The following DKK3 variants were observed in gnomAD, a reference collection of about 807,000 sequenced individuals.
DKK3 encodes dickkopf-related protein 3.
In DKK3, 22 loss-of-function variants were observed where a neutral mutation model predicts 33.2. The observed-to-expected ratio is 0.66, with a 90% CI of 0.47 to 0.95. The LOEUF (loss-of-function observed/expected upper bound fraction) is 0.95, where lower values mean the gene tolerates loss of function less well. Ranked by LOEUF, DKK3 falls within the 40% of genes least tolerant of loss-of-function variation. DKK3 has a pLI of 0.00. For missense variants in DKK3, 398 were observed against 458.4 expected, an observed-to-expected ratio of 0.87 and a Z score of 1.20; for synonymous variants, 194 against 188.8, an observed-to-expected ratio of 1.03 and a Z score of -0.23.
At chr11:11,972,657 G>A (rs573314567) in intron 3 of DKK3, among the ~76,000 whole-genome samples, 1 of 152,318 alleles carries the variant, frequency 6.6e-6, no homozygotes, top group African/African-American at 2.4e-5. Flanking sequence ...GTGGGTGGGT[G>A]GAGAGGACAT....
Position 12,008,625 on chromosome 11 carries a change from G to C in DKK3, c.-43C>G. ...AGCCGCCGCCTGTGTGTCCCGGAAC[G>C]CGATCAGAGGCGCGCGGACCACCCC... On this transcript the variant is annotated 5_prime_UTR_variant, in exon 1 of 7. Coordinates refer to ENST00000683431, the MANE Select transcript of DKK3 (RefSeq NM_001018057.2). The surrounding 1 kb of genome is among the most constrained non-coding windows in gnomAD (Gnocchi z 4.6). 3 of 1,334,886 alleles carry C rather than the reference G, an allele frequency of 2.2e-6. No individual in the cohort carries two copies. Among genetic ancestry groups the C allele is most frequent in the Non-Finnish European group, 2.9e-6 (3 of 1,051,386 alleles). The allele number at this position is 1,334,886 out of a possible 1,614,324, so 82.7% of individuals were successfully genotyped here.
intron 3 of DKK3, among the ~76,000 whole-genome samples, chr11:11,988,956 A>G (rs543519380): frequency 3.3e-5 from 5 of 152,216 alleles, no homozygotes; most frequent in South Asian, 2.1e-4. Flanking sequence ...GAGTTGGGGA[A>G]CGCACTGCCT....
chr11:11,987,556 T>C (rs1344163237), intron 3 of DKK3, among the ~76,000 whole-genome samples: 3 of 152,206 alleles, frequency 2.0e-5, no homozygotes, highest in East Asian at 1.9e-4. Context: ...GCTGAGGCTA[T>C]CTGGGCTCAT....
intron 3 of DKK3, among the ~76,000 whole-genome samples, chr11:11,993,329 A>G (rs1411906391): frequency 6.6e-6 from 1 of 152,062 alleles, no homozygotes; most frequent in Non-Finnish European, 1.5e-5. Context: ...TTCATATACC[A>G]TATATGTATA....
chr11:11,981,758 C>A (rs1361168812), intron 3 of DKK3, among the ~76,000 whole-genome samples: 1 of 152,204 alleles, frequency 6.6e-6, no homozygotes, highest in East Asian at 1.9e-4. Flanking sequence ...TATGCCTCCA[C>A]TTTATAGCCC....
At chr11:11,974,634 C>G (rs2172466) in intron 3 of DKK3, among the ~76,000 whole-genome samples, 4,247 of 152,286 alleles carry the variant, frequency 0.028, 112 homozygotes, top group East Asian at 0.07. Flanking sequence ...AAGGTCTCAC[C>G]TCTTAATACT....
At chr11:11,968,139 A>G (rs377445207) in intron 4 of DKK3, among the ~76,000 whole-genome samples, 2 of 152,170 alleles carry the variant, frequency 1.3e-5, no homozygotes, top group East Asian at 1.9e-4. Context: ...TCTACCATCA[A>G]TGACACAAAC....
At chr11:11,993,718 G>A (rs1011714286) in intron 3 of DKK3, among the ~76,000 whole-genome samples, 33 of 152,126 alleles carry the variant, frequency 2.2e-4, no homozygotes, top group African/African-American at 7.2e-4. Context: ...CGAAGTCAAC[G>A]CAAAATATAA....
In DKK3 at chr11:12,008,611, G is replaced by GT; in HGVS notation, c.-30dup. The GT allele has an allele frequency of 7.3e-7, 1 of 1,371,248 alleles. No individual in the cohort carries two copies. Among genetic ancestry groups the GT allele is most frequent in the Non-Finnish European group, 9.3e-7 (1 of 1,072,286 alleles). The allele number at this position is 1,371,248 out of a possible 1,614,324, so 84.9% of individuals were successfully genotyped here. On this transcript the variant is annotated 5_prime_UTR_variant, in exon 1 of 7. Coordinates refer to ENST00000683431, the MANE Select transcript of DKK3 (RefSeq NM_001018057.2). The surrounding 1 kb of genome is among the most constrained non-coding windows in gnomAD (Gnocchi z 4.6). ...CGCTCTGCGCCCGCAGCCGCCGCCT[G>GT]TGTGTCCCGGAACGCGATCAGAGGC...
Position 11,987,038 on chromosome 11 carries a change from A to ACAGCTTTCATCTACTAAGTATGTATT in DKK3, c.435+11632_435+11657dup, listed in dbSNP as rs544507161. On this transcript the variant is annotated intron_variant, in intron 3 of 6. Coordinates refer to ENST00000683431, the MANE Select transcript of DKK3 (RefSeq NM_001018057.2). The stretch of plus-strand genomic sequence containing the variant: ...ATTCCCCAATTTGCAACTAGGTCAC[A>ACAGCTTTCATCTACTAAGTATGTATT]CAGCTTTCATCTACTAAGTATGTAT... Among the ~76,000 whole-genome samples, 17 of 152,366 alleles carry ACAGCTTTCATCTACTAAGTATGTATT rather than the reference A, an allele frequency of 1.1e-4. 1 individual carries two copies. The South Asian group carries it at 3.5e-3, about 32-fold the overall frequency.
intron 3 of DKK3, among the ~76,000 whole-genome samples, chr11:11,980,885 G>A (rs963927640): frequency 1.3e-5 from 2 of 152,170 alleles, no homozygotes; most frequent in African/African-American, 4.8e-5. Flanking sequence ...GCGACCCATG[G>A]CTGGTTGGTC....
intron 3 of DKK3, among the ~76,000 whole-genome samples, chr11:11,991,397 C>A (rs923983091): frequency 4.8e-4 from 73 of 152,122 alleles, no homozygotes; most frequent in African/African-American, 1.7e-3. Flanking sequence ...TGCTGCTGTT[C>A]TCGCTCTATT....
intron 3 of DKK3, 118 bp from the exon 4 acceptor site, chr11:11,968,605 G>A (rs1847656351): frequency 2.2e-6 from 2 of 906,820 alleles, no homozygotes; most frequent in South Asian, 3.5e-5. Context: ...GGCTCAGCAG[G>A]GTCAGGAAAG....
chr11:11,986,833 G>A (rs1848079872), intron 3 of DKK3, among the ~76,000 whole-genome samples: 1 of 152,146 alleles, frequency 6.6e-6, no homozygotes, highest in Non-Finnish European at 1.5e-5. Context: ...AGTGTTTTAA[G>A]AATTAGAAAA....
At chr11:12,002,211 T>C in intron 2 of DKK3, 89 bp downstream of exon 2, 1 of 1,408,450 alleles carries the variant, frequency 7.1e-7, no homozygotes, top group Non-Finnish European at 9.5e-7. Context: ...GGCTTGTATA[T>C]CACATATGAA....
At chr11:11,974,744 A>T (rs551366787) in intron 3 of DKK3, among the ~76,000 whole-genome samples, 49 of 152,344 alleles carry the variant, frequency 3.2e-4, no homozygotes, top group Middle Eastern at 3.4e-3. Context: ...CACTAAAAGA[A>T]TAACAGAAAG....
intron 3 of DKK3, among the ~76,000 whole-genome samples, chr11:11,981,364 C>T (rs987217097): frequency 6.6e-6 from 1 of 152,158 alleles, no homozygotes; most frequent in African/African-American, 2.4e-5. Flanking sequence ...CATTGAGTAC[C>T]CTGGCTTCAA....
At chr11:11,975,105 T>A (rs1172500328) in intron 3 of DKK3, among the ~76,000 whole-genome samples, 1 of 152,208 alleles carries the variant, frequency 6.6e-6, no homozygotes, top group African/African-American at 2.4e-5. Context: ...TCCAGAACCG[T>A]GACAGAATAG....
At chr11:11,971,529 A>G (rs1659944276) in intron 3 of DKK3, among the ~76,000 whole-genome samples, 1 of 152,254 alleles carries the variant, frequency 6.6e-6, no homozygotes, top group Admixed American at 6.5e-5. Context: ...AACAAAATGC[A>G]GATCATTAGC....
Sources: allele counts gnomAD v4.1 joint callset (sites outside exome capture counted in the v4.1 genomes callset), GRCh38; gene constraint gnomAD v4.1.1; non-coding constraint Gnocchi (gnomAD v3.1); transcripts MANE v1.5; gene names NCBI Gene and HGNC (gene_info 2026-07-23, HGNC 2026-07-21).